The following TMEM222 variants were observed in gnomAD, a reference collection of about 807,000 sequenced individuals.
TMEM222 encodes the protein chromosome 1 open reading frame 160.
TMEM222 carries 18 observed loss-of-function variants against 25.1 expected under a neutral mutation model. That is an observed-to-expected ratio of 0.72 (90% CI 0.50 to 1.06). TMEM222 has a LOEUF of 1.06. Among genes scored for constraint, TMEM222 ranks in the 50% least tolerant of loss-of-function variants. TMEM222 has a pLI of 0.00. For missense variants in TMEM222, 296 were observed against 293.7 expected, an observed-to-expected ratio of 1.01 and a Z score of -0.06; for synonymous variants, 131 against 117.9, an observed-to-expected ratio of 1.11 and a Z score of -0.72.
Position 27,335,908 on chromosome 1 carries a change from A to C in TMEM222, c.*442A>C, listed in dbSNP as rs964672780. ...ACACTTAACGTGTCTCTATAAGCCA[A>C]GTTGCTTCAGGACCTTCACCACTGG... is the stretch of plus-strand genomic sequence containing the variant. On this transcript the variant is annotated 3_prime_UTR_variant, in exon 6 of 6. Transcript: ENST00000374076. 1 of 184,346 alleles carries C rather than the reference A, an allele frequency of 5.4e-6. No homozygotes were observed. Among genetic ancestry groups the C allele is most frequent in the Non-Finnish European group, 1.2e-5 (1 of 86,040 alleles). 11.4% of individuals were successfully genotyped at this position (184,346 alleles called of 1,614,324 possible). A position where few individuals can be genotyped will look rare whatever the true frequency, so the allele number is the denominator to read the frequency against.
At chr1:27,333,813 C>T (rs2148018627) in intron 3 of TMEM222, 145 bp from the exon 4 acceptor site, 1 of 666,902 alleles carries the variant, frequency 1.5e-6, no homozygotes, top group Non-Finnish European at 2.6e-6. Context: ...AGTTGACTGC[C>T]ACATAACACT....
intron 5 of TMEM222, 181 bp downstream of exon 5, chr1:27,334,462 C>A: frequency 7.9e-7 from 1 of 1,261,416 alleles, no homozygotes; most frequent in Non-Finnish European, 1.1e-6. Flanking sequence ...GGTGGCTGTG[C>A]TGAAGTCCAG....
intron 2 of TMEM222, 117 bp from the exon 3 acceptor site, chr1:27,331,953 G>GC (rs993550377): frequency 6.5e-5 from 70 of 1,080,600 alleles, no homozygotes; most frequent in Non-Finnish European, 8.2e-5. Context: ...CCCACTTCTG[G>GC]CCCCCCCACC....
intron 1 of TMEM222, among the ~76,000 whole-genome samples, chr1:27,329,727 A>C (rs923568926): frequency 6.6e-6 from 1 of 152,196 alleles, no homozygotes; most frequent in South Asian, 2.1e-4. Flanking sequence ...GGCAAATGTT[A>C]TTTCCCAGGG....
At position 27,336,032 on chromosome 1, in the gene TMEM222, C is replaced by T. The variant is rs1407978972; in HGVS notation, c.*566C>T. On this transcript the variant is annotated 3_prime_UTR_variant, in exon 6 of 6. Coordinates refer to ENST00000374076, the MANE Select transcript of TMEM222 (RefSeq NM_032125.3). ...GTGTGCCCATCTGGCATCCTCCAGC[C>T]CGTGCAGTCCGCTCTTCACTGTTCC... 1 of 159,558 alleles carries T rather than the reference C, an allele frequency of 6.3e-6. No individual in the cohort carries two copies. The highest frequency in any genetic ancestry group is 1.4e-5 in the Non-Finnish European group (1 of 72,060). 9.9% of individuals were successfully genotyped at this position (159,558 alleles called of 1,614,324 possible). A position where few individuals can be genotyped will look rare whatever the true frequency, so the allele number is the denominator to read the frequency against.
At chr1:27,334,890 A>T in intron 5 of TMEM222, 2 of 969,344 alleles carry the variant, frequency 2.1e-6, no homozygotes, top group Non-Finnish European at 2.5e-6. Flanking sequence ...ATAACTGGTC[A>T]CACAGAGGTT....
At chr1:27,326,027 T>G (rs185631435) in intron 1 of TMEM222, among the ~76,000 whole-genome samples, 1 of 152,370 alleles carries the variant, frequency 6.6e-6, no homozygotes, top group East Asian at 1.9e-4. Context: ...TTTAATACCC[T>G]GTACATATCT....
chr1:27,333,297 A>C, intron 3 of TMEM222: 1 of 470,614 alleles, frequency 2.1e-6, no homozygotes, highest in Non-Finnish European at 4.4e-6. Context: ...CTGTTCCCTC[A>C]GCCTGGAATG....
intron 1 of TMEM222, among the ~76,000 whole-genome samples, chr1:27,328,459 C>T (rs2014404309): frequency 6.6e-6 from 1 of 152,192 alleles, no homozygotes; most frequent in Non-Finnish European, 1.5e-5. Context: ...GTTCAATTCT[C>T]AAAAGACCAC....
chr1:27,335,372 C>G lies in TMEM222; in HGVS notation c.540-7C>G, dbSNP rs2014580260. 6.2e-7 allele frequency: 1 copy of G among 1,614,182 alleles called. No homozygotes were observed. The highest frequency in any genetic ancestry group is 8.5e-7 in the Non-Finnish European group (1 of 1,179,968). ...CCCACCTATGCTCGCTCCTTTCTCT[C>G]TGTCAGCGTTGGGGCCTTCGTGAAG... On this transcript the variant is annotated splice_polypyrimidine_tract_variant and splice_region_variant and intron_variant, in intron 5 of 5. Coordinates refer to ENST00000374076, the MANE Select transcript of TMEM222 (RefSeq NM_032125.3).
chr1:27,330,544 C>T (rs1319111065), intron 1 of TMEM222, among the ~76,000 whole-genome samples, 176 bp from the exon 2 acceptor site: 1 of 152,166 alleles, frequency 6.6e-6, no homozygotes, highest in Admixed American at 6.5e-5. Flanking sequence ...ATTGTGCTGT[C>T]GGTTTGCAGT....
chr1:27,335,431 A>G lies in TMEM222; in HGVS notation c.592A>G (p.Ile198Val), dbSNP rs1331350676. ...GCCCTTCATCCTTCTCCTGGGCATC[A>G]TCCTCACCGTCAGCCTGGTCTTTAA... ...WLPFILLLGI[I>V]LTVSLVFNLR Residue 198 changes from isoleucine (I) to valine (V), a missense_variant, in exon 6 of 6, where the codon ATC (isoleucine) becomes GTC (valine). By Grantham distance (29) the Ile-to-Val change is conservative. Coordinates refer to ENST00000374076, the MANE Select transcript of TMEM222 (RefSeq NM_032125.3). The G allele has an allele frequency of 1.2e-6, 2 of 1,614,124 alleles. No individual in the cohort carries two copies. The highest frequency in any genetic ancestry group is 1.7e-6 in the Non-Finnish European group (2 of 1,179,996).
At chr1:27,328,390 A>G (rs953460439) in intron 1 of TMEM222, among the ~76,000 whole-genome samples, 1 of 152,198 alleles carries the variant, frequency 6.6e-6, no homozygotes, top group African/African-American at 2.4e-5. Context: ...TTCGAAGTGT[A>G]TTATAAGTGT....
intron 3 of TMEM222, chr1:27,332,356 A>G (rs1163377913): frequency 4.2e-6 from 3 of 715,588 alleles, no homozygotes; most frequent in South Asian, 1.5e-5. Context: ...TTTCAACTCC[A>G]TGGCAAGGGT....
At chr1:27,323,058 A>G (rs1379584916) in intron 1 of TMEM222, among the ~76,000 whole-genome samples, 3 of 152,168 alleles carry the variant, frequency 2.0e-5, no homozygotes, top group African/African-American at 7.2e-5. Flanking sequence ...TCCTGCTTCA[A>G]CCTTGACAGC....
At chr1:27,330,898 A>C in intron 2 of TMEM222, 94 bp downstream of exon 2, 1 of 1,589,648 alleles carries the variant, frequency 6.3e-7, no homozygotes, top group South Asian at 1.1e-5. Flanking sequence ...CCCCAGACCC[A>C]GGAGAACGTA....
chr1:27,331,243 C>G (rs1267031693), intron 2 of TMEM222: 5 of 894,108 alleles, frequency 5.6e-6, no homozygotes, highest in Middle Eastern at 4.0e-4. Flanking sequence ...GTTCTCAGGT[C>G]TGTTCCCTGG....
intron 1 of TMEM222, among the ~76,000 whole-genome samples, chr1:27,328,137 G>C (rs560815988): frequency 6.6e-6 from 1 of 152,216 alleles, no homozygotes; most frequent in African/African-American, 2.4e-5. Flanking sequence ...TTGGGTGGCT[G>C]TGCTGGAAGA....
At chr1:27,324,319 C>T (rs779222905) in intron 1 of TMEM222, among the ~76,000 whole-genome samples, 20 of 151,866 alleles carry the variant, frequency 1.3e-4, no homozygotes, top group South Asian at 6.2e-4. Flanking sequence ...AGCAAAACTC[C>T]GTTTCAAAAA....
Sources: allele counts gnomAD v4.1 joint callset (sites outside exome capture counted in the v4.1 genomes callset), GRCh38; gene constraint gnomAD v4.1.1; transcripts MANE v1.5; gene names NCBI Gene and HGNC (gene_info 2026-07-23, HGNC 2026-07-21).